NKAIN3: variants seen among roughly 807,000 people sequenced by gnomAD.
NKAIN3 encodes sodium/potassium-transporting ATPase subunit beta-1-interacting protein 3.
NKAIN3 carries 25 observed loss-of-function variants against 30.2 expected under a neutral mutation model. The observed-to-expected ratio is 0.83, with a 90% CI of 0.60 to 1.16. The LOEUF is 1.16. Among genes scored for constraint, NKAIN3 ranks in the 50% most tolerant of loss-of-function variants. The probability of loss-of-function intolerance (pLI) is 0.00; values close to 1 mark genes in which losing one functional copy is unlikely to be tolerated. For synonymous variants in NKAIN3, 91 were observed against 89.6 expected (o/e 1.02, Z -0.09); for missense variants, 225 against 254.1 (o/e 0.89, Z 0.78).
intron 4 of NKAIN3, among the ~76,000 whole-genome samples, chr8:62,766,889 G>A (rs1816855505): frequency 6.6e-6 from 1 of 152,120 alleles, no homozygotes; most frequent in African/African-American, 2.4e-5. Context: ...TTCCCTTGGG[G>A]ACAGAATAAG....
intron 4 of NKAIN3, among the ~76,000 whole-genome samples, chr8:62,815,718 C>G (rs4610739): frequency 0.19 from 28,400 of 152,050 alleles, 2,994 homozygotes; most frequent in East Asian, 0.29. Flanking sequence ...TGGGACCTAT[C>G]TCAAAATAAT....
intron 5 of NKAIN3, among the ~76,000 whole-genome samples, chr8:62,920,109 G>A (rs941204932): frequency 6.6e-6 from 1 of 152,092 alleles, no homozygotes; most frequent in Admixed American, 6.5e-5. Flanking sequence ...AGGCTGCACA[G>A]CCAAAAAACA....
intron 3 of NKAIN3, among the ~76,000 whole-genome samples, chr8:62,720,458 T>G (rs372874273): frequency 2.0e-5 from 3 of 152,152 alleles, no homozygotes; most frequent in East Asian, 3.9e-4. Flanking sequence ...CTGTCAAAAT[T>G]CCCAATGGAA....
chr8:62,392,766 A>C (rs552894824), intron 1 of NKAIN3, among the ~76,000 whole-genome samples: 50 of 152,206 alleles, frequency 3.3e-4, no homozygotes, highest in African/African-American at 1.1e-3. Flanking sequence ...TTCCATTTTT[A>C]TCATCATAAT....
chr8:62,274,239 C>A (rs1353600915), intron 1 of NKAIN3, among the ~76,000 whole-genome samples: 1 of 138,458 alleles, frequency 7.2e-6, no homozygotes, highest in Non-Finnish European at 1.6e-5. Flanking sequence ...ATTCTGGAAC[C>A]AAACTGCATC....
chr8:62,593,354 A>T (rs889363438), intron 3 of NKAIN3, among the ~76,000 whole-genome samples: 1 of 152,012 alleles, frequency 6.6e-6, no homozygotes, highest in Admixed American at 6.6e-5. Flanking sequence ...ATTAAAAAAA[A>T]ATCTTCTTTG....
At chr8:62,313,288 C>T (rs1031858703) in intron 1 of NKAIN3, among the ~76,000 whole-genome samples, 1 of 152,130 alleles carries the variant, frequency 6.6e-6, no homozygotes, top group Non-Finnish European at 1.5e-5. Flanking sequence ...TTTAGGAAAT[C>T]GTTCTGCAGA....
chr8:62,899,565 G>T (rs1821537419), intron 4 of NKAIN3, among the ~76,000 whole-genome samples: 1 of 152,086 alleles, frequency 6.6e-6, no homozygotes, highest in Admixed American at 6.6e-5. Context: ...GACAGTAGAA[G>T]GATGGTTACC....
At chr8:62,426,838 T>C (rs895425577) in intron 1 of NKAIN3, among the ~76,000 whole-genome samples, 1 of 152,000 alleles carries the variant, frequency 6.6e-6, no homozygotes, top group African/African-American at 2.4e-5. Context: ...CATGTCAAGT[T>C]GTTATCTCAG....
chr8:62,785,327 C>T (rs1057489313), intron 4 of NKAIN3, among the ~76,000 whole-genome samples: 4 of 152,212 alleles, frequency 2.6e-5, no homozygotes, highest in African/African-American at 9.6e-5. Flanking sequence ...TCACAGAAGA[C>T]CACATGGTAT....
chr8:62,495,605 G>A (rs1585871346), intron 1 of NKAIN3, among the ~76,000 whole-genome samples: 1 of 150,834 alleles, frequency 6.6e-6, no homozygotes, highest in Admixed American at 6.6e-5. Context: ...TATGGGAACA[G>A]AGGATTCAAA....
intron 5 of NKAIN3, among the ~76,000 whole-genome samples, chr8:62,996,269 G>A (rs942069353): frequency 1.3e-5 from 2 of 152,162 alleles, no homozygotes; most frequent in African/African-American, 4.8e-5. Flanking sequence ...TTACATGGTG[G>A]CAGGAGAGAG....
intron 1 of NKAIN3, among the ~76,000 whole-genome samples, chr8:62,570,621 C>T (rs1378381637): frequency 6.6e-6 from 1 of 152,068 alleles, no homozygotes; most frequent in Non-Finnish European, 1.5e-5. Flanking sequence ...AAGAAAGACT[C>T]GCCCCCGTGA....
chr8:62,420,343 A>T (rs1804594905), intron 1 of NKAIN3, among the ~76,000 whole-genome samples: 1 of 152,178 alleles, frequency 6.6e-6, no homozygotes, highest in African/African-American at 2.4e-5. Context: ...ATCTGATTGT[A>T]CTCAACTTAA....
intron 3 of NKAIN3, among the ~76,000 whole-genome samples, chr8:62,697,880 G>A (rs1015615013): frequency 6.6e-6 from 1 of 152,054 alleles, no homozygotes; most frequent in South Asian, 2.1e-4. Flanking sequence ...ATTACTCAAA[G>A]ATATACTCTA....
At chr8:62,677,480 G>A (rs1219508620) in intron 3 of NKAIN3, among the ~76,000 whole-genome samples, 1 of 152,210 alleles carries the variant, frequency 6.6e-6, no homozygotes, top group Admixed American at 6.5e-5. Flanking sequence ...GAGCTATGTG[G>A]TGCAGTAGAG....
intron 4 of NKAIN3, among the ~76,000 whole-genome samples, chr8:62,761,852 G>A (rs559936223): frequency 1.1e-4 from 16 of 152,308 alleles, no homozygotes; most frequent in African/African-American, 3.6e-4. Flanking sequence ...TGTTAAGACA[G>A]AGTTTATATT....
chr8:62,739,462 G>A (rs989911160), intron 3 of NKAIN3, among the ~76,000 whole-genome samples: 1 of 152,088 alleles, frequency 6.6e-6, no homozygotes, highest in Admixed American at 6.5e-5. Context: ...TGCTCTGATA[G>A]GGGCTCTTTT....
chr8:62,938,876 C>T (rs1180862831), intron 5 of NKAIN3, among the ~76,000 whole-genome samples: 2 of 152,150 alleles, frequency 1.3e-5, no homozygotes, highest in East Asian at 1.9e-4. Context: ...CACTAGCTCA[C>T]CAGCAATGGA....
Sources: allele counts gnomAD v4.1 joint callset (sites outside exome capture counted in the v4.1 genomes callset), GRCh38; gene constraint gnomAD v4.1.1; transcripts MANE v1.5; gene names NCBI Gene and HGNC (gene_info 2026-07-23, HGNC 2026-07-21).